The following SLC36A2 variants were observed in gnomAD, a reference collection of about 807,000 sequenced individuals.
SLC36A2 encodes proton-coupled amino acid transporter 2.
In SLC36A2, 39 loss-of-function variants were observed where a neutral mutation model predicts 42.7. The ratio of observed to expected loss-of-function variants is 0.91; its 90% confidence interval spans 0.71 to 1.19. SLC36A2 has a LOEUF of 1.19. Among genes scored for constraint, SLC36A2 ranks in the 50% most tolerant of loss-of-function variants. The pLI, the probability that SLC36A2 is intolerant of heterozygous loss-of-function variation, is 0.00. For missense variants in SLC36A2, 590 were observed against 613.7 expected (o/e 0.96, Z 0.41); for synonymous variants, 237 against 240.8 (o/e 0.98, Z 0.15).
At chr5:151,337,041 C>A (rs559683221) in intron 5 of SLC36A2, among the ~76,000 whole-genome samples, 1 of 152,282 alleles carries the variant, frequency 6.6e-6, no homozygotes, top group South Asian at 2.1e-4. Context: ...ACTGTGGATA[C>A]ATAAATGAAT....
chr5:151,335,798 G>A (rs1265480941), intron 5 of SLC36A2, among the ~76,000 whole-genome samples: 2 of 152,124 alleles, frequency 1.3e-5, no homozygotes, highest in Non-Finnish European at 2.9e-5. Context: ...GGAGGCCGAG[G>A]CAGGTGGATC....
chr5:151,326,515 C>G (rs1291132907), intron 7 of SLC36A2, among the ~76,000 whole-genome samples: 1 of 152,194 alleles, frequency 6.6e-6, no homozygotes, highest in East Asian at 1.9e-4. Context: ...CCCCACACCC[C>G]AGGTTCTCAC....
chr5:151,330,715 CATT>C (rs1332852566), intron 7 of SLC36A2, among the ~76,000 whole-genome samples: 1 of 152,116 alleles, frequency 6.6e-6, no homozygotes, highest in African/African-American at 2.4e-5. Context: ...AAGATGATAA[CATT>C]GTTGGTGTTT....
chr5:151,323,124 ACTTGGGAGGCTGAGG>A (rs1200939790), intron 8 of SLC36A2, among the ~76,000 whole-genome samples: 2 of 152,164 alleles, frequency 1.3e-5, no homozygotes, highest in Non-Finnish European at 2.9e-5. Flanking sequence ...AATCCCAGCT[ACTTGGGAGGCTGAGG>A]CAGGAGAATT....
chr5:151,347,310 T>C lies in SLC36A2; in HGVS notation c.151A>G (p.Thr51Ala), dbSNP rs1756524645. 6.2e-7 allele frequency: 1 copy of C among 1,602,450 alleles called. No individual in the cohort carries two copies. Among genetic ancestry groups the C allele is most frequent in the Non-Finnish European group, 8.6e-7 (1 of 1,169,352 alleles). ...AACAGCACTCACGTTATGCCCTTGG[T>C]CTTCTTCAAGCCTGCTGACTCTGAA... ...SPSESAGLKKTKGITVFQALI... is the reference protein window; with the variant it reads ...SPSESAGLKKAKGITVFQALI... Residue 51 changes from threonine to alanine, a missense_variant, in exon 1 of 10, where the codon ACC becomes GCC. By Grantham distance (58) the Thr-to-Ala change is moderately conservative. Transcript: ENST00000335244.
At chr5:151,344,080 A>G (rs913535148) in intron 2 of SLC36A2, 97 bp downstream of exon 2, 16 of 1,126,416 alleles carry the variant, frequency 1.4e-5, no homozygotes, top group Non-Finnish European at 2.1e-5. Context: ...TGTCCCAGAA[A>G]GACTGCTCAC....
chr5:151,336,005 CAA>C (rs543628468), intron 5 of SLC36A2, among the ~76,000 whole-genome samples: 6 of 120,378 alleles, frequency 5.0e-5, no homozygotes, highest in Admixed American at 8.7e-5. Context: ...CCTGTATCCA[CAA>C]AAAAAAAAAA....
Position 151,339,071 on chromosome 5 carries a change from TATC to T in SLC36A2, c.511_513del (p.Asp171del). On this transcript the variant is annotated inframe_deletion, in exon 5 of 10. Coordinates refer to ENST00000335244, the MANE Select transcript of SLC36A2 (RefSeq NM_181776.3). ...CTAGAAGCCTCTACCTGTTTTAAAT[TATC>T]AGCCAAAAACACAATGTACACACAG... is the stretch of plus-strand genomic sequence containing the variant. 1 of 1,610,020 alleles carries T rather than the reference TATC, an allele frequency of 6.2e-7. No homozygotes were observed. The highest frequency in any genetic ancestry group is 8.5e-7 in the Non-Finnish European group (1 of 1,177,226).
At chr5:151,341,216 C>G (rs1403971893) in intron 4 of SLC36A2, among the ~76,000 whole-genome samples, 1 of 152,092 alleles carries the variant, frequency 6.6e-6, no homozygotes, top group Non-Finnish European at 1.5e-5. Context: ...TCTTTATATG[C>G]CCAACAACAA....
chr5:151,319,203 A>G (rs1755610562), intron 9 of SLC36A2: 6 of 802,202 alleles, frequency 7.5e-6, no homozygotes, highest in Admixed American at 1.2e-4. Flanking sequence ...TTATTTACTC[A>G]TACATGCTAA....
At chr5:151,338,224 C>T (rs981394769) in intron 5 of SLC36A2, among the ~76,000 whole-genome samples, 3 of 152,170 alleles carry the variant, frequency 2.0e-5, no homozygotes, top group Non-Finnish European at 4.4e-5. Flanking sequence ...CTGCTATAAG[C>T]AGAAAAAGAG....
Position 151,321,163 on chromosome 5 carries a change from ATTTATTT to A in SLC36A2, c.1180+876_1180+882del, listed in dbSNP as rs777912372. 8.8e-3 allele frequency among the ~76,000 whole-genome samples: 1,334 copies of A among 151,408 alleles called. 10 individuals carry two copies. The highest frequency in any genetic ancestry group is 0.02 in the Middle Eastern group (6 of 294). On this transcript the variant is annotated intron_variant, in intron 9 of 9. Transcript: ENST00000335244. ...TTATGATTTATTTATTTATTTATTT[ATTTATTT>A]ATTAATATATTTGAGACAGGGTCTG...
At chr5:151,343,308 G>A (rs1459031634) in intron 3 of SLC36A2, among the ~76,000 whole-genome samples, 1 of 152,204 alleles carries the variant, frequency 6.6e-6, no homozygotes, top group South Asian at 2.1e-4. Flanking sequence ...AACCAGATAA[G>A]CACAATAGCC....
intron 4 of SLC36A2, among the ~76,000 whole-genome samples, chr5:151,339,529 C>T (rs1756259890): frequency 6.6e-6 from 1 of 152,222 alleles, no homozygotes; most frequent in Middle Eastern, 3.4e-3. Context: ...AGGCTGATCT[C>T]GATCTCCCGA....
In SLC36A2 at chr5:151,347,461, G is replaced by A; in HGVS notation, c.-1C>T. Reference sequence around the variant, plus strand: ...CCTCAGTACTTTTTGTCACAGACATGACTGCTTAAGAAACAAGGAGCTCGG... The same window carrying A: ...CCTCAGTACTTTTTGTCACAGACATAACTGCTTAAGAAACAAGGAGCTCGG... On this transcript the variant is annotated 5_prime_UTR_variant, in exon 1 of 10. Coordinates refer to ENST00000335244, the MANE Select transcript of SLC36A2 (RefSeq NM_181776.3). The A allele has an allele frequency of 1.2e-6, 2 of 1,613,808 alleles. No individual in the cohort carries two copies. The highest frequency in any genetic ancestry group is 1.7e-6 in the Non-Finnish European group (2 of 1,180,018).
chr5:151,325,552 G>A, intron 7 of SLC36A2, 100 bp from the exon 8 acceptor site: 1 of 1,228,818 alleles, frequency 8.1e-7, no homozygotes, highest in Non-Finnish European at 1.2e-6. Flanking sequence ...ACTGAAAGCA[G>A]GGCCTCAAAG....
chr5:151,343,042 T>C (rs1189928167), intron 3 of SLC36A2, 59 bp from the exon 4 acceptor site: 6 of 1,390,090 alleles, frequency 4.3e-6, no homozygotes, highest in Non-Finnish European at 6.1e-6. Flanking sequence ...ACTCACATGG[T>C]CAAAAGTCAG....
chr5:151,340,375 G>A (rs921382347), intron 4 of SLC36A2, among the ~76,000 whole-genome samples: 1 of 152,174 alleles, frequency 6.6e-6, no homozygotes, highest in Admixed American at 6.5e-5. Flanking sequence ...CTGAATCTTT[G>A]AACTTGAGGT....
chr5:151,328,917 A>C (rs1015531597), intron 7 of SLC36A2, among the ~76,000 whole-genome samples: 1 of 152,184 alleles, frequency 6.6e-6, no homozygotes, highest in African/African-American at 2.4e-5. Context: ...CTTTTCACTC[A>C]TTGCTCAACC....
Sources: gnomAD v4.1 joint callset for allele counts (sites outside exome capture counted in the v4.1 genomes callset) on GRCh38, gnomAD v4.1.1 for gene constraint, MANE v1.5 for transcripts, NCBI Gene and HGNC (gene_info 2026-07-23, HGNC 2026-07-21) for gene names.